Variants in MGST2 observed in about 807,000 individuals in gnomAD.
MGST2 encodes microsomal glutathione S-transferase 2, also known as glutathione peroxidase MGST2.
In MGST2, 9 loss-of-function variants were observed where a neutral mutation model predicts 16.6. The ratio of observed to expected loss-of-function variants is 0.54; its 90% confidence interval spans 0.33 to 0.95. The LOEUF (loss-of-function observed/expected upper bound fraction) is 0.95. Among genes scored for constraint, MGST2 ranks in the 40% least tolerant of loss-of-function variants. The pLI is 0.03. For synonymous variants in MGST2, 79 were observed against 68.0 expected (o/e 1.16, Z -0.79); for missense variants, 159 against 175.1 (o/e 0.91, Z 0.52).
chr4:139,743,854 G>C (rs1729236685), downstream of MGST2, among the ~76,000 whole-genome samples: 1 of 152,178 alleles, frequency 6.6e-6, no homozygotes, highest in Non-Finnish European at 1.5e-5. Context: ...AGAGAATTTT[G>C]AAGGAAAGAT....
intron 1 of MGST2, among the ~76,000 whole-genome samples, chr4:139,668,260 A>G (rs1233999127): frequency 6.6e-6 from 1 of 152,194 alleles, no homozygotes; most frequent in African/African-American, 2.4e-5. Context: ...GCTTCCAGGT[A>G]GCAGCGTTTG....
At position 139,727,267 on chromosome 4, in the gene MGST2, A is replaced by C. The variant is rs72946550; in HGVS notation, c.*49-12945A>C. On this transcript the variant is annotated intron_variant, in intron 5 of 5. Transcript: ENST00000616265. ...ATAATGTTCTACAGAAAACTGTTGA[A>C]ATTAATTGATTGTGTAGACCATTAA... 3.1e-3 allele frequency among the ~76,000 whole-genome samples: 473 copies of C among 152,360 alleles called. 3 individuals carry two copies. The highest frequency in any genetic ancestry group is 0.011 in the African/African-American group (453 of 41,584).
chr4:139,741,091 C>G (rs1049422802), downstream of MGST2, among the ~76,000 whole-genome samples: 5 of 152,174 alleles, frequency 3.3e-5, no homozygotes, highest in African/African-American at 9.7e-5. Context: ...GGCCCCCATT[C>G]CTATGAGTAG....
At chr4:139,690,689 G>C (rs1261142401) in intron 2 of MGST2, among the ~76,000 whole-genome samples, 1 of 152,154 alleles carries the variant, frequency 6.6e-6, no homozygotes, top group Non-Finnish European at 1.5e-5. Context: ...GAAAAGTTTG[G>C]AGACTAGTGT....
intron 1 of MGST2, among the ~76,000 whole-genome samples, chr4:139,667,649 A>C (rs1343256668): frequency 2.0e-5 from 3 of 152,048 alleles, no homozygotes; most frequent in African/African-American, 7.2e-5. Flanking sequence ...CACGAGGTCA[A>C]GAGATCGAGA....
chr4:139,692,845 G>T (rs1292582668), intron 2 of MGST2, among the ~76,000 whole-genome samples: 1 of 152,212 alleles, frequency 6.6e-6, no homozygotes, highest in Non-Finnish European at 1.5e-5. Flanking sequence ...GCCCTCTGCA[G>T]TGCAGTTTGG....
In MGST2 at chr4:139,735,957, GCA is replaced by G. The variant is rs2111007599; in HGVS notation, c.*49-4254_*49-4253del. Among the ~76,000 whole-genome samples the G allele has an allele frequency of 6.6e-6, 1 of 152,252 alleles. No homozygotes were observed. The highest frequency in any genetic ancestry group is 2.4e-5 in the African/African-American group (1 of 41,572). ...GAGGCTGCGGTGTGCTCCAGCGGGC[GCA>G]TTTCCCAGGCCCCGCCACATCGTGT... On this transcript the variant is annotated intron_variant, in intron 5 of 5. Transcript: ENST00000616265. The surrounding 1 kb of genome is among the most constrained non-coding windows in gnomAD (Gnocchi z 5.8).
At chr4:139,682,036 A>G (rs953962887) in intron 2 of MGST2, among the ~76,000 whole-genome samples, 8 of 152,184 alleles carry the variant, frequency 5.3e-5, no homozygotes, top group South Asian at 2.1e-4. Context: ...TCTATTAAAA[A>G]AAAATTAAAA....
At chr4:139,721,972 G>A (rs897636567) in intron 5 of MGST2, among the ~76,000 whole-genome samples, 24 of 152,086 alleles carry the variant, frequency 1.6e-4, no homozygotes, top group African/African-American at 5.6e-4. Context: ...AAAGTTTAAG[G>A]GAAAAATATT....
the MGST2 span, among the ~76,000 whole-genome samples, chr4:139,747,298 G>C: frequency 5.9e-5 from 9 of 152,132 alleles, no homozygotes; most frequent in African/African-American, 9.7e-5. Context: ...TGCAGAGCGC[G>C]GGCAACTTTC....
intron 5 of MGST2, among the ~76,000 whole-genome samples, chr4:139,713,297 T>C (rs908712484): frequency 6.6e-6 from 1 of 152,014 alleles, no homozygotes; most frequent in Non-Finnish European, 1.5e-5. Flanking sequence ...GGGATCCATC[T>C]GCTTTTAATT....
At chr4:139,730,823 T>C in intron 5 of MGST2, 1 of 660,960 alleles carries the variant, frequency 1.5e-6, no homozygotes, top group Non-Finnish European at 2.6e-6. Context: ...TAAACGTAGC[T>C]TCAAACCCGA....
chr4:139,682,329 T>C (rs1487447539), intron 2 of MGST2, among the ~76,000 whole-genome samples: 5 of 151,958 alleles, frequency 3.3e-5, no homozygotes, highest in Admixed American at 3.3e-4. Flanking sequence ...TGGTCTGTGA[T>C]ATACAATAAA....
chr4:139,730,700 T>C (rs1380400185), intron 5 of MGST2: 7 of 1,579,754 alleles, frequency 4.4e-6, no homozygotes, highest in African/African-American at 2.7e-5. Flanking sequence ...GATGCAGGGA[T>C]TCCCCATAGA....
chr4:139,702,895 G>A (rs1305986201), intron 3 of MGST2, among the ~76,000 whole-genome samples: 1 of 87,804 alleles, frequency 1.1e-5, no homozygotes, highest in Admixed American at 1.4e-4. Flanking sequence ...TCTGTTGGAT[G>A]TGTGGTGGTG....
chr4:139,708,374 G>A (rs1727600826), downstream of MGST2, among the ~76,000 whole-genome samples: 1 of 152,198 alleles, frequency 6.6e-6, no homozygotes, highest in South Asian at 2.1e-4. Flanking sequence ...GATGGTTGTA[G>A]ATATGCGGCA....
intron 5 of MGST2, among the ~76,000 whole-genome samples, chr4:139,732,847 G>A (rs1378865632): frequency 6.6e-6 from 1 of 152,084 alleles, no homozygotes; most frequent in Non-Finnish European, 1.5e-5. Flanking sequence ...TATTTTTTAT[G>A]TGTAAATGCT....
intron 5 of MGST2, among the ~76,000 whole-genome samples, chr4:139,729,444 AC>A (rs1478714849): frequency 6.6e-5 from 10 of 152,198 alleles, no homozygotes; most frequent in African/African-American, 2.4e-4. Context: ...ACATAGTGCG[AC>A]CCCGTCTCTA....
At chr4:139,736,734 C>T (rs1439533554) in intron 5 of MGST2, among the ~76,000 whole-genome samples, 1 of 152,174 alleles carries the variant, frequency 6.6e-6, no homozygotes, top group Non-Finnish European at 1.5e-5. Flanking sequence ...TTCCCAGGCT[C>T]CCCTCTAGGC....
Sources: allele counts gnomAD v4.1 joint callset (sites outside exome capture counted in the v4.1 genomes callset), GRCh38; gene constraint gnomAD v4.1.1; non-coding constraint Gnocchi (gnomAD v3.1); transcripts MANE v1.5; gene names NCBI Gene and HGNC (gene_info 2026-07-23, HGNC 2026-07-21).